Variants in CIMAP2 observed in about 807,000 individuals in gnomAD.
The protein encoded by CIMAP2 is ciliary microtubule associated protein 2.
At chr1:54,826,472 A>T in the CIMAP2 span, among the ~76,000 whole-genome samples, 1 of 152,148 alleles carries the variant, frequency 6.6e-6, no homozygotes, top group Admixed American at 6.5e-5. Flanking sequence ...GAGATACAGG[A>T]TCTGTAGGGC....
the CIMAP2 span, among the ~76,000 whole-genome samples, chr1:54,836,111 T>G: frequency 6.6e-6 from 1 of 151,986 alleles, no homozygotes; most frequent in African/African-American, 2.4e-5. Flanking sequence ...CTCTGCATGT[T>G]TACTCTGGGA....
chr1:54,807,422 C>T, the CIMAP2 span: 13 of 1,360,848 alleles, frequency 9.6e-6, no homozygotes, highest in Admixed American at 3.8e-4. Flanking sequence ...AGGGGGATTG[C>T]CTACTCCCTT....
At chr1:54,841,951 C>A in the CIMAP2 span, 2 of 1,411,114 alleles carry the variant, frequency 1.4e-6, no homozygotes, top group Non-Finnish European at 2.0e-6. Context: ...ACAGCATGGG[C>A]ATGGGAGTGG....
the CIMAP2 span, among the ~76,000 whole-genome samples, chr1:54,808,757 A>G: frequency 5.7e-4 from 86 of 152,098 alleles, no homozygotes; most frequent in East Asian, 4.3e-3. Flanking sequence ...TCTCATCAGG[A>G]GGACACTGAG....
the CIMAP2 span, among the ~76,000 whole-genome samples, chr1:54,819,872 TC>T: frequency 1.7e-5 from 2 of 115,728 alleles, no homozygotes; most frequent in Non-Finnish European, 1.9e-5. Flanking sequence ...TTCCTCTCTT[TC>T]TTCCTTTCTT....
the CIMAP2 span, chr1:54,811,766 C>CGGGGGGGGGGGGGGCG: frequency 5.4e-6 from 7 of 1,305,186 alleles, no homozygotes; most frequent in Admixed American, 1.9e-5. Context: ...GTTCTGACAG[C>CGGGGGGGGGGGGGGCG]CTCCATGCCC....
At chr1:54,833,593 G>A in the CIMAP2 span, among the ~76,000 whole-genome samples, 3 of 152,176 alleles carry the variant, frequency 2.0e-5, no homozygotes, top group Non-Finnish European at 4.4e-5. Flanking sequence ...GGGAAAGGCA[G>A]CCTTTTGTTT....
chr1:54,807,952 C>A, the CIMAP2 span: 1 of 1,609,038 alleles, frequency 6.2e-7, no homozygotes, highest in Non-Finnish European at 8.5e-7. Context: ...GCGGGAGAAA[C>A]CATGTAGCAC....
the CIMAP2 span, among the ~76,000 whole-genome samples, chr1:54,827,558 A>G: frequency 6.6e-6 from 1 of 152,198 alleles, no homozygotes; most frequent in African/African-American, 2.4e-5. Flanking sequence ...TTAGAATTCC[A>G]TGTCTGCCAC....
chr1:54,820,106 CTCTCTCTCTT>C, the CIMAP2 span, among the ~76,000 whole-genome samples: 1,684 of 40,186 alleles, frequency 0.042, 68 homozygotes, highest in African/African-American at 0.1. Flanking sequence ...CTTTCTTTCT[CTCTCTCTCTT>C]TCTTTCTTTC....
chr1:54,812,012 T>G, the CIMAP2 span: 1 of 1,614,118 alleles, frequency 6.2e-7, no homozygotes, highest in Non-Finnish European at 8.5e-7. Context: ...AGCTGAGCTC[T>G]CCTGCAGGCC....
At chr1:54,817,025 C>A in the CIMAP2 span, 1 of 1,614,192 alleles carries the variant, frequency 6.2e-7, no homozygotes, top group Non-Finnish European at 8.5e-7. Flanking sequence ...CAACACCTGG[C>A]TGATGGAGAC....
chr1:54,839,832 C>G, the CIMAP2 span, among the ~76,000 whole-genome samples: 1 of 152,130 alleles, frequency 6.6e-6, no homozygotes, highest in Non-Finnish European at 1.5e-5. Context: ...CTTATGGCAG[C>G]CTTGACCTTC....
the CIMAP2 span, among the ~76,000 whole-genome samples, chr1:54,825,567 C>A: frequency 6.6e-6 from 1 of 152,054 alleles, no homozygotes; most frequent in African/African-American, 2.4e-5. Flanking sequence ...GTGGGCTAGT[C>A]CTCAGGGACC....
chr1:54,820,771 T>G, the CIMAP2 span, among the ~76,000 whole-genome samples: 1 of 152,058 alleles, frequency 6.6e-6, no homozygotes, highest in African/African-American at 2.4e-5. Context: ...TGCCCACTTT[T>G]TTTGTTTGTT....
the CIMAP2 span, among the ~76,000 whole-genome samples, chr1:54,819,764 C>T: frequency 1.5e-5 from 2 of 137,276 alleles, no homozygotes; most frequent in Non-Finnish European, 3.2e-5. Context: ...GCTTTCCCTA[C>T]CCTCCCTCCC....
chr1:54,807,675 A>G, the CIMAP2 span: 7 of 1,599,922 alleles, frequency 4.4e-6, no homozygotes, highest in Non-Finnish European at 6.0e-6. Context: ...CCATCATGAA[A>G]GAGAAGCGGC....
the CIMAP2 span, among the ~76,000 whole-genome samples, chr1:54,838,795 TGGA>T: frequency 2.8e-4 from 43 of 152,108 alleles, no homozygotes; most frequent in Non-Finnish European, 4.3e-4. Flanking sequence ...CTTGCTCCTA[TGGA>T]GGAGGCTGGG....
At chr1:54,807,535 G>A in the CIMAP2 span, 29 of 1,568,358 alleles carry the variant, frequency 1.8e-5, no homozygotes, top group Middle Eastern at 1.7e-4. Flanking sequence ...GTCCCACATA[G>A]GCCCTGGGAC....
Sources: allele counts gnomAD v4.1 joint callset (sites outside exome capture counted in the v4.1 genomes callset), GRCh38; gene constraint gnomAD v4.1.1; transcripts MANE v1.5; gene names NCBI Gene and HGNC (gene_info 2026-07-23, HGNC 2026-07-21).